Variants in TAF4 observed in about 807,000 individuals in gnomAD.
The protein encoded by TAF4 is TATA-box binding protein associated factor 4, also known as transcription initiation factor TFIID subunit 4.
In TAF4, 9 loss-of-function variants were observed where a neutral mutation model predicts 90.3. The ratio of observed to expected loss-of-function variants is 0.10; its 90% CI spans 0.06 to 0.17. TAF4 has a LOEUF of 0.17. Ranked by LOEUF, TAF4 falls within the 10% of genes least tolerant of loss-of-function variation. The probability of loss-of-function intolerance (pLI) is 1.00; values close to 1 mark genes in which losing one functional copy is unlikely to be tolerated. For synonymous variants in TAF4, 818 were observed against 638.9 expected (o/e 1.28, Z -4.23); for missense variants, 1,351 against 1,370.7 (o/e 0.99, Z 0.23).
At chr20:62,021,017 G>A (rs887208016) in intron 1 of TAF4, among the ~76,000 whole-genome samples, 5 of 152,140 alleles carry the variant, frequency 3.3e-5, no homozygotes, top group African/African-American at 1.2e-4. Flanking sequence ...CGTGTTTCCA[G>A]GGGAAAAACA....
chr20:62,035,196 G>A (rs2055925801), intron 1 of TAF4, among the ~76,000 whole-genome samples: 1 of 152,164 alleles, frequency 6.6e-6, no homozygotes, highest in Non-Finnish European at 1.5e-5. Flanking sequence ...GGACTTTTAT[G>A]GGCCCCGAAG....
At chr20:62,009,559 A>G (rs2055766361) in intron 4 of TAF4, among the ~76,000 whole-genome samples, 1 of 152,268 alleles carries the variant, frequency 6.6e-6, no homozygotes, top group African/African-American at 2.4e-5. Context: ...AAAAGTACGC[A>G]GCAAAGAAAC....
intron 1 of TAF4, among the ~76,000 whole-genome samples, chr20:62,042,267 C>T (rs528129049): frequency 2.0e-5 from 3 of 152,294 alleles, no homozygotes; most frequent in Admixed American, 6.5e-5. Context: ...AGATCGGCTG[C>T]GGGACGGCTG....
At chr20:62,045,010 A>G (rs2055985261) in intron 1 of TAF4, among the ~76,000 whole-genome samples, 1 of 152,240 alleles carries the variant, frequency 6.6e-6, no homozygotes, top group Non-Finnish European at 1.5e-5. Flanking sequence ...GGGAGAAAAG[A>G]GGCCACCTTG....
chr20:61,979,426 G>A (rs1432508325), intron 14 of TAF4: 1 of 150,398 alleles, frequency 6.6e-6, no homozygotes, highest in Non-Finnish European at 1.5e-5. Flanking sequence ...CCGTGCAGGC[G>A]CAATGGCCAC....
At chr20:62,004,593 G>A in intron 7 of TAF4, 1 of 152,204 alleles carries the variant, frequency 6.6e-6, no homozygotes, top group Non-Finnish European at 1.5e-5. Flanking sequence ...CTCCCAAAGT[G>A]CTGAATTACA....
chr20:62,022,721 C>T lies in TAF4; in HGVS notation c.1361-8014G>A, dbSNP rs563080741. ...AAAGCAAGTGTTCTCTCCCACCTCT[C>T]GGGGTTTGGCAGGCATAAGGGACGG... On this transcript the variant is annotated intron_variant, in intron 1 of 14. Coordinates refer to ENST00000252996, the MANE Select transcript of TAF4 (RefSeq NM_003185.4). Among the ~76,000 whole-genome samples, 3 of 152,304 alleles carry T rather than the reference C, an allele frequency of 2.0e-5. No homozygotes were observed. The East Asian group carries it at 5.8e-4, about 29-fold the overall frequency.
intron 1 of TAF4, among the ~76,000 whole-genome samples, chr20:62,020,930 C>G (rs1230383328): frequency 1.3e-5 from 2 of 152,136 alleles, no homozygotes; most frequent in Admixed American, 1.3e-4. Context: ...GTTGCTGGAG[C>G]CAGCGTGAAC....
chr20:62,047,174 C>T (rs1042019474), intron 1 of TAF4, among the ~76,000 whole-genome samples: 2 of 152,110 alleles, frequency 1.3e-5, no homozygotes, highest in African/African-American at 4.8e-5. Context: ...ATCTATTCTT[C>T]GACAATTACT....
chr20:62,059,614 T>C (rs1338497154), intron 1 of TAF4, among the ~76,000 whole-genome samples: 2 of 152,214 alleles, frequency 1.3e-5, no homozygotes, highest in African/African-American at 4.8e-5. Flanking sequence ...AAGCCCCCTT[T>C]ATTTAACTGC....
chr20:62,032,480 G>A (rs6061964), intron 1 of TAF4, among the ~76,000 whole-genome samples: 82,711 of 152,194 alleles, frequency 0.54, 22,910 homozygotes, highest in Middle Eastern at 0.66. Flanking sequence ...AGAGGAGCTC[G>A]GGGCCACAGG....
At chr20:62,045,270 C>T (rs1325811683) in intron 1 of TAF4, among the ~76,000 whole-genome samples, 1 of 152,238 alleles carries the variant, frequency 6.6e-6, no homozygotes, top group African/African-American at 2.4e-5. Flanking sequence ...TCCCCACCGG[C>T]CACACAAGGT....
At chr20:62,060,497 G>C (rs2056083550) in intron 1 of TAF4, among the ~76,000 whole-genome samples, 1 of 152,206 alleles carries the variant, frequency 6.6e-6, no homozygotes, top group African/African-American at 2.4e-5. Context: ...CTGTCACCAA[G>C]ATGACTCTGT....
rs2055745706 is a variant in TAF4 at position 62,006,469 on chromosome 20, C to T, written c.2223+41G>A. 1 of 1,388,670 alleles carries T rather than the reference C, an allele frequency of 7.2e-7. No homozygotes were observed. Among genetic ancestry groups the T allele is most frequent in the Non-Finnish European group, 9.4e-7 (1 of 1,067,636 alleles). 86.0% of individuals were successfully genotyped at this position (1,388,670 alleles called of 1,614,324 possible). On this transcript the variant is annotated intron_variant, in intron 7 of 14. Transcript: ENST00000252996. This position sits in a 1 kb window ranked among gnomAD's most constrained non-coding sequence, Gnocchi z 7.0. The stretch of plus-strand genomic sequence containing the variant: ...TCTAAGAAGCGGGCGGGAGCAGAGG[C>T]ACGGTGGGCTGTGCAGACCAGTCAG...
rs570326519 is a variant in TAF4, at chr20:62,053,969, C to G, written c.1360+10482G>C. On this transcript the variant is annotated intron_variant, in intron 1 of 14. Coordinates refer to ENST00000252996, the MANE Select transcript of TAF4 (RefSeq NM_003185.4). ...CCCAGGCAGATGAGGTGGCCCAGAC[C>G]TAGCAGACAGCCACCAGCTGGGGGG... 2.2e-4 allele frequency among the ~76,000 whole-genome samples: 34 copies of G among 152,366 alleles called. 1 individual carries two copies. The South Asian group carries it at 6.0e-3, about 27-fold the overall frequency.
intron 3 of TAF4, 49 bp downstream of exon 3, chr20:62,012,766 C>T: frequency 6.5e-7 from 1 of 1,545,972 alleles, no homozygotes; most frequent in Non-Finnish European, 8.7e-7. Context: ...AAAGAAATCA[C>T]ACTTCGTGGC....
At chr20:62,063,008 C>T (rs1473415998) in intron 1 of TAF4, among the ~76,000 whole-genome samples, 1 of 152,212 alleles carries the variant, frequency 6.6e-6, no homozygotes, top group Non-Finnish European at 1.5e-5. Context: ...AGATCAGCCA[C>T]GTTTCCTACT....
intron 3 of TAF4, among the ~76,000 whole-genome samples, chr20:62,011,817 AC>A: frequency 6.6e-6 from 1 of 152,278 alleles, no homozygotes; most frequent in African/African-American, 2.4e-5. Flanking sequence ...CAGGTGCTTC[AC>A]CAGCAGCGAC....
intron 1 of TAF4, among the ~76,000 whole-genome samples, chr20:62,045,470 G>C (rs28382022): frequency 0.099 from 15,031 of 152,290 alleles, 1,210 homozygotes; most frequent in East Asian, 0.44. Context: ...CTCCGTGAGT[G>C]CTGTGGGATG....
Sources: gnomAD v4.1 joint callset for allele counts (sites outside exome capture counted in the v4.1 genomes callset) on GRCh38, gnomAD v4.1.1 for gene constraint, Gnocchi (gnomAD v3.1) non-coding constraint, MANE v1.5 for transcripts, NCBI Gene and HGNC (gene_info 2026-07-23, HGNC 2026-07-21) for gene names.